Variants in SLC67A2 observed in about 807,000 individuals in gnomAD.
The protein encoded by SLC67A2 is solute carrier family 67 member A2.
At chr2:102,722,877 C>G in the SLC67A2 span, among the ~76,000 whole-genome samples, 1 of 152,098 alleles carries the variant, frequency 6.6e-6, no homozygotes, top group Non-Finnish European at 1.5e-5. Flanking sequence ...ACAGTGGATA[C>G]GATTTGCAAA....
the SLC67A2 span, chr2:102,718,935 T>C: frequency 2.5e-6 from 4 of 1,614,122 alleles, no homozygotes; most frequent in East Asian, 2.2e-5. Context: ...ACAAAGTTAC[T>C]GTAGTACAGC....
chr2:102,726,918 G>T, the SLC67A2 span: 3 of 1,613,356 alleles, frequency 1.9e-6, no homozygotes, highest in South Asian at 3.3e-5. Context: ...CCAGAGCACT[G>T]AGTAGAATGC....
At chr2:102,733,380 A>G in the SLC67A2 span, among the ~76,000 whole-genome samples, 1 of 152,158 alleles carries the variant, frequency 6.6e-6, no homozygotes, top group Non-Finnish European at 1.5e-5. Context: ...GCTCAGAGTT[A>G]ATCTTTTGTT....
chr2:102,718,846 G>A, the SLC67A2 span: 7 of 1,613,942 alleles, frequency 4.3e-6, no homozygotes, highest in South Asian at 2.2e-5. Flanking sequence ...GGCCGGCCAC[G>A]GCCCCCAGCA....
chr2:102,718,911 C>T, the SLC67A2 span: 1 of 1,614,228 alleles, frequency 6.2e-7, no homozygotes, highest in Non-Finnish European at 8.5e-7. Flanking sequence ...CCAAAGCGCT[C>T]CTCCAGGGCC....
chr2:102,723,608 T>C, the SLC67A2 span: 18 of 1,290,572 alleles, frequency 1.4e-5, no homozygotes, highest in Admixed American at 3.9e-5. Flanking sequence ...CTGTCTATTC[T>C]GATAAAAACG....
chr2:102,718,327 AC>A, the SLC67A2 span: 3 of 1,470,044 alleles, frequency 2.0e-6, no homozygotes, highest in African/African-American at 1.4e-5. Flanking sequence ...TTTCCCTTCC[AC>A]CCCAACCCTT....
the SLC67A2 span, chr2:102,731,938 C>T: frequency 1.3e-5 from 4 of 317,264 alleles, no homozygotes; most frequent in Admixed American, 9.7e-5. Context: ...CCCTTTCCCA[C>T]GAGATGTGAT....
the SLC67A2 span, chr2:102,726,866 C>A: frequency 3.7e-6 from 6 of 1,602,144 alleles, no homozygotes; most frequent in Non-Finnish European, 4.3e-6. Flanking sequence ...CTAGCCAGGA[C>A]AAACAGAAAC....
the SLC67A2 span, chr2:102,736,812 C>A: frequency 4.4e-6 from 7 of 1,597,980 alleles, no homozygotes; most frequent in African/African-American, 4.0e-5. Context: ...AAGCTCCATA[C>A]CCGCGCCGGC....
chr2:102,731,972 T>C, the SLC67A2 span: 2 of 365,422 alleles, frequency 5.5e-6, no homozygotes. Context: ...GTTTCCCTGG[T>C]CTCTCACATT....
chr2:102,717,236 T>C, the SLC67A2 span: 1 of 152,056 alleles, frequency 6.6e-6, no homozygotes, highest in Admixed American at 6.6e-5. Context: ...GGTTTCACCA[T>C]GTTAGCCAGA....
At chr2:102,724,056 G>A in the SLC67A2 span, 1 of 668,494 alleles carries the variant, frequency 1.5e-6, no homozygotes, top group Non-Finnish European at 2.6e-6. Flanking sequence ...TACCACCACG[G>A]CATCTGATCT....
At chr2:102,725,248 C>CT in the SLC67A2 span, among the ~76,000 whole-genome samples, 1 of 152,026 alleles carries the variant, frequency 6.6e-6, no homozygotes, top group East Asian at 1.9e-4. Context: ...CCTGTGAAGC[C>CT]CCCCGTGGCT....
the SLC67A2 span, chr2:102,732,376 A>G: frequency 6.2e-7 from 1 of 1,613,824 alleles, no homozygotes; most frequent in Non-Finnish European, 8.5e-7. Context: ...TGAAGGCTCA[A>G]TAAAGGCACA....
the SLC67A2 span, chr2:102,726,799 TG>T: frequency 1.3e-6 from 2 of 1,498,748 alleles, no homozygotes; most frequent in Non-Finnish European, 1.8e-6. Context: ...ATTGAGGTTC[TG>T]GGGGAAGCTA....
chr2:102,716,405 G>A, the SLC67A2 span: 1 of 152,100 alleles, frequency 6.6e-6, no homozygotes, highest in Non-Finnish European at 1.5e-5. Flanking sequence ...TGCCTTTTGA[G>A]TCTAATCTCC....
chr2:102,734,398 C>T, the SLC67A2 span, among the ~76,000 whole-genome samples: 1 of 152,170 alleles, frequency 6.6e-6, no homozygotes, highest in Non-Finnish European at 1.5e-5. Context: ...GGTCTTCCCT[C>T]CTAAACAAAT....
chr2:102,729,308 A>AT, the SLC67A2 span, among the ~76,000 whole-genome samples: 4 of 152,238 alleles, frequency 2.6e-5, no homozygotes, highest in Non-Finnish European at 5.9e-5. Context: ...AGTGCTAACT[A>AT]TTGCCAGGTA....
Sources: allele counts gnomAD v4.1 joint callset (sites outside exome capture counted in the v4.1 genomes callset), GRCh38; gene constraint gnomAD v4.1.1; transcripts MANE v1.5; gene names NCBI Gene and HGNC (gene_info 2026-07-23, HGNC 2026-07-21).